SAMD8: variants seen among roughly 807,000 people sequenced by gnomAD.
The protein encoded by SAMD8 is sterile alpha motif domain containing 8.
In SAMD8, 20 loss-of-function variants were observed where a neutral mutation model predicts 42.0. The ratio of observed to expected loss-of-function variants is 0.48; its 90% CI spans 0.34 to 0.69. SAMD8 has a LOEUF of 0.69. SAMD8 is among the 30% of genes least tolerant of loss of function. SAMD8 has a pLI of 0.01. For synonymous variants in SAMD8, 162 were observed against 173.0 expected (o/e 0.94, Z 0.50); for missense variants, 328 against 511.6 (o/e 0.64, Z 3.46).
chr10:75,153,106 C>T (rs1353296556), intron 2 of SAMD8, among the ~76,000 whole-genome samples: 3 of 151,804 alleles, frequency 2.0e-5, no homozygotes, highest in Non-Finnish European at 4.4e-5. Context: ...CTCAGCCTTC[C>T]GAGTAACTGG....
chr10:75,144,827 T>TA (rs1840097603), intron 1 of SAMD8, among the ~76,000 whole-genome samples: 1 of 152,124 alleles, frequency 6.6e-6, no homozygotes, highest in South Asian at 2.1e-4. Context: ...TGGCTAATTT[T>TA]AAAAAATTAT....
chr10:75,175,957 A>G, intron 4 of SAMD8, 109 bp from the exon 5 acceptor site: 1 of 1,519,190 alleles, frequency 6.6e-7, no homozygotes. Context: ...GCTTTGGCTT[A>G]GATCTTATTT....
At chr10:75,128,106 G>A (rs1176746593) in intron 1 of SAMD8, among the ~76,000 whole-genome samples, 2 of 130,396 alleles carry the variant, frequency 1.5e-5, no homozygotes, top group Admixed American at 8.9e-5. Context: ...AGACAGAGTC[G>A]CTGTCACCTA....
At chr10:75,136,118 C>T (rs1021299399) in intron 1 of SAMD8, among the ~76,000 whole-genome samples, 5 of 151,862 alleles carry the variant, frequency 3.3e-5, no homozygotes, top group African/African-American at 1.2e-4. Context: ...GCCTTTCCTC[C>T]CTTTTCTTTT....
At chr10:75,115,812 G>A (rs915449895) in intron 1 of SAMD8, among the ~76,000 whole-genome samples, 2 of 151,886 alleles carry the variant, frequency 1.3e-5, no homozygotes, top group African/African-American at 2.4e-5. Flanking sequence ...CTCGTGGCAG[G>A]CGCCTGTAGT....
chr10:75,158,708 A>G (rs1406846417), intron 2 of SAMD8, among the ~76,000 whole-genome samples: 2 of 152,202 alleles, frequency 1.3e-5, no homozygotes, highest in Non-Finnish European at 2.9e-5. Flanking sequence ...ACTCATACCC[A>G]TTAGCAGTCA....
intron 4 of SAMD8, among the ~76,000 whole-genome samples, chr10:75,173,433 A>C (rs544294923): frequency 4.6e-4 from 70 of 152,264 alleles, no homozygotes; most frequent in Middle Eastern, 3.4e-3. Context: ...CATCCTATTC[A>C]TTCTGCTCCG....
chr10:75,121,270 A>G (rs1176986786), intron 1 of SAMD8, among the ~76,000 whole-genome samples: 1 of 152,196 alleles, frequency 6.6e-6, no homozygotes, highest in Non-Finnish European at 1.5e-5. Context: ...GTAAATCCTC[A>G]GTTTGAACCT....
upstream of SAMD8, among the ~76,000 whole-genome samples, chr10:75,110,036 T>C (rs560010434): frequency 6.6e-6 from 1 of 152,330 alleles, no homozygotes; most frequent in South Asian, 2.1e-4. Context: ...CTGACTGGTC[T>C]TGAACTCCTA....
intron 1 of SAMD8, among the ~76,000 whole-genome samples, chr10:75,132,794 G>C (rs1849302356): frequency 6.6e-6 from 1 of 151,104 alleles, no homozygotes; most frequent in Admixed American, 6.6e-5. Context: ...TTCAAGACCA[G>C]CCTGGGCATC....
At chr10:75,120,073 A>G (rs1418425007) in intron 1 of SAMD8, among the ~76,000 whole-genome samples, 1 of 152,086 alleles carries the variant, frequency 6.6e-6, no homozygotes, top group Non-Finnish European at 1.5e-5. Context: ...GTCTCAAAAA[A>G]AGTAAAGATT....
chr10:75,172,501 ATTT>A (rs756029536), intron 4 of SAMD8, among the ~76,000 whole-genome samples: 2 of 141,156 alleles, frequency 1.4e-5, no homozygotes, highest in South Asian at 4.6e-4. Context: ...CAGCCAACTG[ATTT>A]TTTTTTTTTT....
At position 75,181,050 on chromosome 10, in the gene SAMD8, A is replaced by G. The variant is rs1841073375; in HGVS notation, c.*4358A>G. ...TTTTATAGACTTACATTTTCTTCAT[A>G]CTAAAGGTAATGATAATATAGTCAT... On this transcript the variant is annotated 3_prime_UTR_variant, in exon 6 of 6. Transcript: ENST00000542569. The G allele has an allele frequency of 6.6e-6, 1 of 152,184 alleles. No homozygotes were observed. Among genetic ancestry groups the G allele is most frequent in the South Asian group, 2.1e-4 (1 of 4,830 alleles). 9.4% of individuals were successfully genotyped at this position (152,184 alleles called of 1,614,324 possible). A position where few individuals can be genotyped will look rare whatever the true frequency, so the allele number is the denominator to read the frequency against.
intron 1 of SAMD8, among the ~76,000 whole-genome samples, chr10:75,115,114 G>A (rs1322621566): frequency 6.6e-6 from 1 of 152,086 alleles, no homozygotes; most frequent in Admixed American, 6.5e-5. Flanking sequence ...TTATTTTCAC[G>A]TCTCATGTAT....
At chr10:75,128,135 C>T (rs976997417) in intron 1 of SAMD8, among the ~76,000 whole-genome samples, 1 of 144,646 alleles carries the variant, frequency 6.9e-6, no homozygotes. Flanking sequence ...TGCAATGGCG[C>T]GATCTTGGCT....
In SAMD8 at chr10:75,115,739, G is replaced by T. The variant is rs1333190989; in HGVS notation, c.-16+4017G>T. 2.0e-5 allele frequency among the ~76,000 whole-genome samples: 3 copies of T among 152,040 alleles called. No homozygotes were observed. In the East Asian group the frequency reaches 5.8e-4, roughly 29 times the overall value. The stretch of plus-strand genomic sequence containing the variant: ...GCGGATCACGAGGCCAGGAGATCGA[G>T]ACCATCCTGGCGAACACGGTGAAAC... On this transcript the variant is annotated intron_variant, in intron 1 of 5. Transcript: ENST00000542569.
In SAMD8 at chr10:75,150,689, C is replaced by A; in HGVS notation, c.161C>A (p.Ser54Tyr). The A allele has an allele frequency of 6.2e-7, 1 of 1,614,118 alleles. No individual in the cohort carries two copies. Among genetic ancestry groups the A allele is most frequent in the South Asian group, 1.1e-5 (1 of 91,066 alleles). ...ACATTGACTGAATATGATCTCCGGT[C>A]TCCTCCTCTGGAAATCAAAGTCTTA... ...LLTLTEYDLR[S>Y]PPLEIKVLGD... Residue 54 changes from serine (S) to tyrosine (Y), a missense_variant, in exon 2 of 6, where the codon TCT (serine) becomes TAT (tyrosine). Transcript: ENST00000542569.
Position 75,111,676 on chromosome 10 carries a change from A to C in SAMD8, c.-62A>C. ...GCCCCGGACTCCGACGGCGGCTCGG[A>C]CGCCGACTCGGAGGTGGGTCCGGGG... On this transcript the variant is annotated 5_prime_UTR_variant, in exon 1 of 6. Coordinates refer to ENST00000542569, the MANE Select transcript of SAMD8 (RefSeq NM_001174156.2). 8.1e-7 allele frequency: 1 copy of C among 1,239,222 alleles called. No individual in the cohort carries two copies. The highest frequency in any genetic ancestry group is 1.0e-6 in the Non-Finnish European group (1 of 991,854). 76.8% of individuals were successfully genotyped at this position (1,239,222 alleles called of 1,614,324 possible).
chr10:75,150,094 A>G (rs1649057426), intron 1 of SAMD8, among the ~76,000 whole-genome samples: 1 of 148,638 alleles, frequency 6.7e-6, no homozygotes, highest in Non-Finnish European at 1.5e-5. Context: ...CTCTCTCTCT[A>G]CATATATATA....
Sources: gnomAD v4.1 joint callset for allele counts (sites outside exome capture counted in the v4.1 genomes callset) on GRCh38, gnomAD v4.1.1 for gene constraint, MANE v1.5 for transcripts, NCBI Gene and HGNC (gene_info 2026-07-23, HGNC 2026-07-21) for gene names.